The following COL4A2 variants were observed in gnomAD, a reference collection of about 807,000 sequenced individuals.
COL4A2 encodes collagen type IV alpha 2 chain.
COL4A2 carries 99 observed loss-of-function variants against 200.2 expected under a neutral mutation model. The observed-to-expected ratio is 0.49, with a 90% CI of 0.42 to 0.58. The LOEUF (loss-of-function observed/expected upper bound fraction) is 0.58. Ranked by LOEUF, COL4A2 falls within the 20% of genes least tolerant of loss-of-function variation. The probability of loss-of-function intolerance (pLI) is 0.00; values close to 1 mark genes in which losing one functional copy is unlikely to be tolerated. For missense variants in COL4A2, 1,950 were observed against 2,314.1 expected (o/e 0.84, Z 3.23); for synonymous variants, 897 against 900.6 (o/e 1.00, Z 0.07).
chr13:110,384,870 G>T (rs1566504471), intron 4 of COL4A2, among the ~76,000 whole-genome samples: 1 of 152,236 alleles, frequency 6.6e-6, no homozygotes, highest in Non-Finnish European at 1.5e-5. Flanking sequence ...CTGTGGTCCA[G>T]TTTCCCTGCA....
intron 4 of COL4A2, among the ~76,000 whole-genome samples, chr13:110,382,805 T>C (rs1467884003): frequency 6.6e-6 from 1 of 152,190 alleles, no homozygotes; most frequent in Non-Finnish European, 1.5e-5. Flanking sequence ...AAGTCAAAAA[T>C]AGTTGCATCA....
At chr13:110,331,908 G>T (rs991901179) in intron 3 of COL4A2, among the ~76,000 whole-genome samples, 1 of 152,068 alleles carries the variant, frequency 6.6e-6, no homozygotes, top group Non-Finnish European at 1.5e-5. Context: ...CGCCCATTTG[G>T]TTACCTGTGT....
chr13:110,490,244 G>T (rs138832034), intron 36 of COL4A2, among the ~76,000 whole-genome samples: 1 of 152,240 alleles, frequency 6.6e-6, no homozygotes, highest in Non-Finnish European at 1.5e-5. Context: ...AGTTGTGGGG[G>T]CCTGGGGCGG....
chr13:110,331,356 A>G (rs960049921), intron 3 of COL4A2, among the ~76,000 whole-genome samples: 1 of 152,216 alleles, frequency 6.6e-6, no homozygotes, highest in Non-Finnish European at 1.5e-5. Context: ...TACTCATCTC[A>G]GATGTCCAGG....
At chr13:110,320,644 G>A (rs1436460492) in intron 3 of COL4A2, among the ~76,000 whole-genome samples, 3 of 152,044 alleles carry the variant, frequency 2.0e-5, no homozygotes, top group Non-Finnish European at 4.4e-5. Context: ...GTCTAACTCT[G>A]AGGCCATCTG....
chr13:110,464,948 G>T (rs1343455226), intron 24 of COL4A2, among the ~76,000 whole-genome samples: 1 of 152,038 alleles, frequency 6.6e-6, no homozygotes, highest in Non-Finnish European at 1.5e-5. Context: ...CTTCTGAGGC[G>T]CACACGGCTC....
At position 110,336,081 on chromosome 13, in the gene COL4A2, C is replaced by T. The variant is rs570407360; in HGVS notation, c.100-21391C>T. ...GAAAATGAAGACTGCAAAAATTTGC[C>T]TCTATGTATCTTCTTGGAGTTTTTT... On this transcript the variant is annotated intron_variant, in intron 3 of 47. Transcript: ENST00000360467. 3.3e-5 allele frequency among the ~76,000 whole-genome samples: 5 copies of T among 152,320 alleles called. No homozygotes were observed. The East Asian group carries it at 9.7e-4, about 29-fold the overall frequency.
chr13:110,462,021 C>T, intron 22 of COL4A2, 93 bp from the exon 23 acceptor site: 2 of 1,547,252 alleles, frequency 1.3e-6, no homozygotes, highest in Middle Eastern at 1.9e-4. Context: ...TGACTGCCTG[C>T]CAGCTGTGTG....
At chr13:110,458,707 C>G (rs1023017876) in intron 21 of COL4A2, 64 bp from the exon 22 acceptor site, 2 of 1,601,162 alleles carry the variant, frequency 1.2e-6, no homozygotes, top group African/African-American at 1.3e-5. Context: ...CTGCCTGATA[C>G]CCCTCTCCCC....
chr13:110,489,003 G>C (rs1883197982), intron 34 of COL4A2, among the ~76,000 whole-genome samples: 1 of 152,168 alleles, frequency 6.6e-6, no homozygotes, highest in Non-Finnish European at 1.5e-5. Flanking sequence ...GCAGAGGAGA[G>C]AGAATCACTT....
chr13:110,356,060 G>T (rs889797250), intron 3 of COL4A2, among the ~76,000 whole-genome samples: 6 of 149,138 alleles, frequency 4.0e-5, no homozygotes, highest in Admixed American at 1.4e-4. Context: ...ATACTGTCAC[G>T]ATTTGAAAGG....
chr13:110,351,029 CTT>C (rs1876932780), intron 3 of COL4A2, among the ~76,000 whole-genome samples: 1 of 152,064 alleles, frequency 6.6e-6, no homozygotes, highest in Non-Finnish European at 1.5e-5. Context: ...TGCTCTCTCT[CTT>C]GTTTCTTTCT....
intron 3 of COL4A2, among the ~76,000 whole-genome samples, chr13:110,355,961 CAG>C (rs1190372630): frequency 2.0e-5 from 3 of 152,046 alleles, no homozygotes; most frequent in African/African-American, 7.2e-5. Context: ...GCTTACCTGT[CAG>C]GGGAGAGGAG....
intron 28 of COL4A2, among the ~76,000 whole-genome samples, chr13:110,472,332 G>A (rs4771681): frequency 0.53 from 80,479 of 151,682 alleles, 22,787 homozygotes; most frequent in East Asian, 0.69. Flanking sequence ...AGCCAGGATG[G>A]TCTCGATCTC....
rs528792479 is a variant in COL4A2 at position 110,426,114 on chromosome 13, C to G, written c.360+1117C>G. 1.1e-4 allele frequency among the ~76,000 whole-genome samples: 16 copies of G among 152,252 alleles called. No homozygotes were observed. In the South Asian group the frequency reaches 3.1e-3, roughly 30 times the overall value. The stretch of plus-strand genomic sequence containing the variant: ...ACAGAAATGAAGAATCTGCACAACC[C>G]AAAGATTAAACAAATTAGGAAAGTA... On this transcript the variant is annotated intron_variant, in intron 6 of 47. Coordinates refer to ENST00000360467, the MANE Select transcript of COL4A2 (RefSeq NM_001846.4).
intron 3 of COL4A2, among the ~76,000 whole-genome samples, chr13:110,312,113 C>T (rs190065030): frequency 2.6e-5 from 4 of 152,186 alleles, no homozygotes; most frequent in Admixed American, 2.6e-4. Flanking sequence ...CAAAACATGG[C>T]CCTCTGAGAA....
Position 110,512,209 on chromosome 13 carries a change from A to ATCC in COL4A2, c.*18_*19insTCC. On this transcript the variant is annotated 3_prime_UTR_variant, in exon 48 of 48. Coordinates refer to ENST00000360467, the MANE Select transcript of COL4A2 (RefSeq NM_001846.4). Reference sequence around the variant, plus strand: ...ACCTGTGAGCCGGCGCGTGCCAGGAAGGGCCATTTTGGTGCTTATTCTTAA... The same window carrying ATCC: ...ACCTGTGAGCCGGCGCGTGCCAGGAATCCGGGCCATTTTGGTGCTTATTCTTAA... 1 of 1,605,042 alleles carries ATCC rather than the reference A, an allele frequency of 6.2e-7. No individual in the cohort carries two copies. Among genetic ancestry groups the ATCC allele is most frequent in the Non-Finnish European group, 8.5e-7 (1 of 1,176,248 alleles).
chr13:110,325,153 A>G (rs1885373831), intron 3 of COL4A2, among the ~76,000 whole-genome samples: 1 of 152,238 alleles, frequency 6.6e-6, no homozygotes, highest in Non-Finnish European at 1.5e-5. Context: ...GCCTTTTACC[A>G]AAGTTTAAGC....
chr13:110,489,584 C>T, intron 35 of COL4A2, 76 bp downstream of exon 35: 1 of 1,586,612 alleles, frequency 6.3e-7, no homozygotes, highest in South Asian at 1.1e-5. Context: ...AATTTCAGAC[C>T]TGCAAGTGCT....
Sources: allele counts gnomAD v4.1 joint callset (sites outside exome capture counted in the v4.1 genomes callset), GRCh38; gene constraint gnomAD v4.1.1; transcripts MANE v1.5; gene names NCBI Gene and HGNC (gene_info 2026-07-23, HGNC 2026-07-21).